The following CENPE variants were observed in gnomAD, a reference collection of about 807,000 sequenced individuals.
The protein encoded by CENPE is centromere protein E, also known as centromere-associated protein E.
In CENPE, 145 loss-of-function variants were observed where a neutral mutation model predicts 336.1. The observed-to-expected ratio is 0.43, with a 90% CI of 0.38 to 0.50. The LOEUF (loss-of-function observed/expected upper bound fraction) is 0.50. CENPE is among the 20% of genes least tolerant of loss of function. The pLI is 0.00. For synonymous variants in CENPE, 1,013 were observed against 984.8 expected (o/e 1.03, Z -0.54); for missense variants, 2,719 against 3,023.3 (o/e 0.90, Z 2.36).
intron 48 of CENPE, among the ~76,000 whole-genome samples, chr4:103,107,221 C>T (rs1748975257): frequency 6.6e-6 from 1 of 152,004 alleles, no homozygotes; most frequent in Admixed American, 6.6e-5. Context: ...GTTAGCTAGC[C>T]AATAGAAGGT....
intron 34 of CENPE, 62 bp from the exon 35 acceptor site, chr4:103,141,970 A>C: frequency 9.8e-7 from 1 of 1,023,202 alleles, no homozygotes; most frequent in Non-Finnish European, 1.4e-6. Context: ...TTAAAAAATA[A>C]AGTGATATAT....
intron 9 of CENPE, among the ~76,000 whole-genome samples, chr4:103,184,146 C>T (rs1039403944): frequency 2.0e-5 from 3 of 152,310 alleles, no homozygotes; most frequent in Admixed American, 6.5e-5. Flanking sequence ...AACATTACTA[C>T]CTAACCAACC....
chr4:103,143,154 T>C lies in CENPE; in HGVS notation c.5304+94A>G, dbSNP rs976910346. 18 of 809,038 alleles carry C rather than the reference T, an allele frequency of 2.2e-5. No homozygotes were observed. In the African/African-American group the frequency reaches 3.0e-4, roughly 13 times the overall value. The allele number at this position is 809,038 out of a possible 1,614,324, so 50.1% of individuals were successfully genotyped here. On this transcript the variant is annotated intron_variant, in intron 34 of 48. Transcript: ENST00000265148. The stretch of plus-strand genomic sequence containing the variant: ...TTGAGTAGGCAAGTAAGTCTTCACT[T>C]GCCTTCAATTTTAGGGTAATTCATA...
At chr4:103,136,749 T>C (rs909611929) in intron 39 of CENPE, among the ~76,000 whole-genome samples, 4 of 152,220 alleles carry the variant, frequency 2.6e-5, no homozygotes, top group Non-Finnish European at 5.9e-5. Flanking sequence ...ATGTTTATAG[T>C]AGGCAGTCTG....
At chr4:103,109,647 C>T (rs1424728842) in intron 47 of CENPE, among the ~76,000 whole-genome samples, 2 of 152,158 alleles carry the variant, frequency 1.3e-5, no homozygotes, top group African/African-American at 2.4e-5. Flanking sequence ...CTCATCCTAT[C>T]TATCAAATTC....
chr4:103,194,593 A>G lies in CENPE; in HGVS notation c.559+10T>C, dbSNP rs1251994538. ...CAAGTGTTCTAAAGAAATACAGCAT[A>G]AAGTCTTACTTTCTCCCTTTGTAAT... is the stretch of plus-strand genomic sequence containing the variant. On this transcript the variant is annotated intron_variant, in intron 6 of 48. Transcript: ENST00000265148. The G allele has an allele frequency of 1.9e-6, 3 of 1,594,638 alleles. No individual in the cohort carries two copies. Among genetic ancestry groups the G allele is most frequent in the Admixed American group, 3.5e-5 (2 of 57,946 alleles).
Position 103,106,275 on chromosome 4 carries a change from C to G in CENPE, c.8053G>C (p.Gly2685Arg). The part of the protein sequence containing the change: ...AGAESVDSQP[G>R]PWHASSGKDV... Reference sequence around the variant, plus strand: ...TTGCCTGAGGAGGCGTGCCAAGGACCTGGCTGAGAATCCACACTCTCTGCT... The same window carrying G: ...TTGCCTGAGGAGGCGTGCCAAGGACGTGGCTGAGAATCCACACTCTCTGCT... Residue 2685 changes from glycine to arginine, a missense_variant, in exon 49 of 49, where the codon GGT becomes CGT. Transcript: ENST00000265148. The G allele has an allele frequency of 1.9e-6, 3 of 1,603,014 alleles. No individual in the cohort carries two copies. Among genetic ancestry groups the G allele is most frequent in the Non-Finnish European group, 2.6e-6 (3 of 1,173,984 alleles).
chr4:103,184,560 T>C (rs3974474), intron 9 of CENPE, among the ~76,000 whole-genome samples: 23,646 of 152,098 alleles, frequency 0.16, 2,048 homozygotes, highest in South Asian at 0.3. Context: ...TAATTTTTTT[T>C]CCCAAATGGC....
intron 46 of CENPE, among the ~76,000 whole-genome samples, chr4:103,113,810 A>T (rs901529176): frequency 6.6e-6 from 1 of 151,040 alleles, no homozygotes; most frequent in Non-Finnish European, 1.5e-5. Flanking sequence ...TCATATAGCC[A>T]TTGAGATCTG....
chr4:103,198,138 C>G (rs1182150385), intron 1 of CENPE, 126 bp downstream of exon 1: 2 of 844,836 alleles, frequency 2.4e-6, no homozygotes, highest in Non-Finnish European at 3.7e-6. Context: ...CGATGGCCAG[C>G]AGCCGAGTCA....
rs1752494130 is a variant in CENPE, at chr4:103,140,846, G to C, written c.5722C>G (p.Leu1908Val). ...EETLKLERDQ[L>V]KESLQETKAR... ...TTGGTTTCTTGCAGGCTTTCCTTGAGTTGGTCTCTCTCCAGTTTGAGTGTC... is the reference window on the plus strand; with the variant it reads ...TTGGTTTCTTGCAGGCTTTCCTTGACTTGGTCTCTCTCCAGTTTGAGTGTC... Residue 1908 changes from leucine (L) to valine (V), a missense_variant, in exon 36 of 49, where the codon CTC becomes GTC. Around this residue, in one of 5 missense-constraint regions of CENPE, gnomAD observed 2,437 missense variants for 2,513.3 expected, o/e 0.97. Transcript: ENST00000265148. 1.9e-6 allele frequency: 3 copies of C among 1,598,686 alleles called. No individual in the cohort carries two copies. The highest frequency in any genetic ancestry group is 2.6e-6 in the Non-Finnish European group (3 of 1,175,596).
intron 30 of CENPE, 66 bp from the exon 31 acceptor site, chr4:103,145,747 T>C (rs1287555869): frequency 6.6e-7 from 1 of 1,507,558 alleles, no homozygotes; most frequent in Non-Finnish European, 8.9e-7. Context: ...TGTAATTAAC[T>C]CCCCTTTCCA....
At chr4:103,191,663 G>T (rs113747075) in intron 8 of CENPE, among the ~76,000 whole-genome samples, 7 of 139,288 alleles carry the variant, frequency 5.0e-5, no homozygotes, top group African/African-American at 1.8e-4. Flanking sequence ...TGGGGGGAGG[G>T]GGGGATAGCA....
intron 42 of CENPE, among the ~76,000 whole-genome samples, chr4:103,130,929 A>T (rs2125892460): frequency 6.7e-6 from 1 of 148,742 alleles, no homozygotes; most frequent in South Asian, 2.1e-4. Flanking sequence ...AAAAAAAAAG[A>T]CCTTAAGAAC....
chr4:103,118,585 A>G lies in CENPE; in HGVS notation c.7329+1563T>C, dbSNP rs566868813. On this transcript the variant is annotated intron_variant, in intron 44 of 48. Transcript: ENST00000265148. ...CTTTATGGATTGCACTTCTTGTATTATATCTTAAAAAATCGCCAAACCCAA... is the reference window on the plus strand; with the variant it reads ...CTTTATGGATTGCACTTCTTGTATTGTATCTTAAAAAATCGCCAAACCCAA... Among the ~76,000 whole-genome samples the G allele has an allele frequency of 3.2e-4, 48 of 152,306 alleles. 1 individual carries two copies. Among genetic ancestry groups the G allele is most frequent in the Middle Eastern group, 3.4e-3 (1 of 294 alleles).
rs1199831553 is a variant in CENPE, at chr4:103,149,242, A to C, written c.3563T>G (p.Leu1188Arg). 6.2e-7 allele frequency: 1 copy of C among 1,613,024 alleles called. No individual in the cohort carries two copies. The highest frequency in any genetic ancestry group is 1.3e-5 in the African/African-American group (1 of 75,018). ...ETERLELAQK[L>R]NENYEEVKSI... ...TTTCACTTCCTCATAATTTTCATTA[A>C]GTTTCTGAGCCAACTCAAGCCTCTC... The change falls in exon 27 of 49, where the codon CTT becomes CGT. Residue 1188 changes from leucine (L) to arginine (R), a missense_variant. By Grantham distance (102) the Leu-to-Arg change is moderately radical (BLOSUM62 -2). Transcript: ENST00000265148.
chr4:103,189,575 T>C, intron 8 of CENPE, among the ~76,000 whole-genome samples: 1 of 152,200 alleles, frequency 6.6e-6, no homozygotes, highest in Admixed American at 6.5e-5. Flanking sequence ...GAAAAGGCCT[T>C]TAACAAAATT....
chr4:103,144,648 T>A, intron 32 of CENPE, 30 bp from the exon 33 acceptor site: 1 of 1,486,938 alleles, frequency 6.7e-7, no homozygotes, highest in Non-Finnish European at 9.1e-7. Flanking sequence ...AGTTACAACA[T>A]AGGCAGAATT....
chr4:103,121,961 C>G (rs1750665026), intron 43 of CENPE, among the ~76,000 whole-genome samples: 2 of 152,108 alleles, frequency 1.3e-5, no homozygotes. Context: ...CTATTCTGTT[C>G]CACTGCTCTA....
Sources: allele counts gnomAD v4.1 joint callset (sites outside exome capture counted in the v4.1 genomes callset), GRCh38; gene constraint gnomAD v4.1.1; regional missense constraint gnomAD v4.1.1; transcripts MANE v1.5; gene names NCBI Gene and HGNC (gene_info 2026-07-23, HGNC 2026-07-21).